STX4: variants seen among roughly 807,000 people sequenced by gnomAD.
STX4 encodes the protein syntaxin-4.
Under a neutral mutation model 41.8 loss-of-function variants are expected in STX4, and 24 were observed. The ratio of observed to expected loss-of-function variants is 0.57; its 90% CI spans 0.42 to 0.81. STX4 has a LOEUF of 0.81. Among genes scored for constraint, STX4 ranks in the 30% least tolerant of loss-of-function variants. The pLI, the probability that STX4 is intolerant of heterozygous loss-of-function variation, is 0.00. For synonymous variants in STX4, 158 were observed against 156.4 expected (o/e 1.01, Z -0.08); for missense variants, 316 against 389.9 (o/e 0.81, Z 1.60).
chr16:31,034,507 TG>T lies in STX4; in HGVS notation c.282del (p.Arg95GlyfsTer7). On this transcript the variant is annotated frameshift_variant, in exon 4 of 11. Transcript: ENST00000313843. LOFTEE classifies it high-confidence loss of function. ...LQNLRDEIKQLGREIRLQLKA... is the reference protein window; with the variant it reads ...LQNLRDEIKQXGREIRLQLKA... ...AACCTGCGCGATGAGATCAAACAGCTGGGGAGGGAGATCCGCCTGCAGCTGA... is the reference window on the plus strand; with the variant it reads ...AACCTGCGCGATGAGATCAAACAGCTGGGAGGGAGATCCGCCTGCAGCTGA... The T allele has an allele frequency of 6.2e-7, 1 of 1,602,682 alleles. No homozygotes were observed. Among genetic ancestry groups the T allele is most frequent in the South Asian group, 1.1e-5 (1 of 89,782 alleles).
chr16:31,036,978 C>A (rs1011333140), intron 5 of STX4, among the ~76,000 whole-genome samples: 1 of 150,794 alleles, frequency 6.6e-6, no homozygotes. Flanking sequence ...CGCCTGTAAT[C>A]CCAGCACTTT....
At chr16:31,034,604 G>A (rs2056785968) in intron 4 of STX4, 68 bp downstream of exon 4, 31 of 1,458,804 alleles carry the variant, frequency 2.1e-5, no homozygotes, top group Non-Finnish European at 2.7e-5. Flanking sequence ...TATCTGGGGA[G>A]TGTGTGGCCC....
chr16:31,033,657 G>A lies in STX4; in HGVS notation c.-149G>A, dbSNP rs1596733560. Reference sequence around the variant, plus strand: ...CGGCGCCTTCCCATTGACTGTGGGCGGTGCAAGGGACGGAGCCTCTGGCGG... The same window carrying A: ...CGGCGCCTTCCCATTGACTGTGGGCAGTGCAAGGGACGGAGCCTCTGGCGG... On this transcript the variant is annotated 5_prime_UTR_variant, in exon 1 of 11. Coordinates refer to ENST00000313843, the MANE Select transcript of STX4 (RefSeq NM_004604.5). This position sits in a 1 kb window ranked among gnomAD's most constrained non-coding sequence, Gnocchi z 5.5. 6 of 1,459,840 alleles carry A rather than the reference G, an allele frequency of 4.1e-6. No homozygotes were observed. The East Asian group carries it at 1.5e-4, about 36-fold the overall frequency. The allele number at this position is 1,459,840 out of a possible 1,614,324, so 90.4% of individuals were successfully genotyped here.
chr16:31,034,366 G>C (rs1324753959), intron 3 of STX4, 41 bp downstream of exon 3: 3 of 1,612,634 alleles, frequency 1.9e-6, no homozygotes, highest in East Asian at 4.5e-5. Context: ...CTCCGCCCCA[G>C]GGATTGTGGG....
rs570754713 is a variant in STX4 at position 31,039,815 on chromosome 16, G to T, written c.*12G>T. 7 of 1,614,114 alleles carry T rather than the reference G, an allele frequency of 4.3e-6. No individual in the cohort carries two copies. The East Asian group carries it at 1.3e-4, about 31-fold the overall frequency. ...CAGTGGTTGGATAATGTCGCACATTGTTGGTGAGATGTTGTGGGCTGCCCC... is the reference window on the plus strand; with the variant it reads ...CAGTGGTTGGATAATGTCGCACATTTTTGGTGAGATGTTGTGGGCTGCCCC... On this transcript the variant is annotated 3_prime_UTR_variant, in exon 10 of 11. Coordinates refer to ENST00000313843, the MANE Select transcript of STX4 (RefSeq NM_004604.5). This position sits in a 1 kb window ranked among gnomAD's most constrained non-coding sequence, Gnocchi z 4.1.
chr16:31,034,861 CT>C, intron 4 of STX4, 108 bp from the exon 5 acceptor site: 1 of 1,045,276 alleles, frequency 9.6e-7, no homozygotes, highest in Admixed American at 2.7e-5. Flanking sequence ...GAAAAATAAA[CT>C]TACTTTCTCC....
intron 5 of STX4, 137 bp from the exon 6 acceptor site, chr16:31,037,789 G>A (rs781434182): frequency 6.5e-6 from 5 of 766,906 alleles, no homozygotes; most frequent in East Asian, 2.7e-5. Context: ...AGCCTGTCAA[G>A]GTCATCACAA....
intron 4 of STX4, 169 bp from the exon 5 acceptor site, chr16:31,034,801 T>C: frequency 1.4e-6 from 1 of 704,172 alleles, no homozygotes; most frequent in South Asian, 2.4e-5. Context: ...AGATGGAGTT[T>C]TGTTAGGTGG....
intron 5 of STX4, 45 bp downstream of exon 5, chr16:31,035,085 C>A: frequency 6.6e-7 from 1 of 1,517,750 alleles, no homozygotes; most frequent in Non-Finnish European, 9.0e-7. Flanking sequence ...GCAAATGTTT[C>A]ATGAAGTATT....
At position 31,039,021 on chromosome 16, in the gene STX4, C is replaced by T. The variant is rs2056824631; in HGVS notation, c.702+374C>T. Reference sequence around the variant, plus strand: ...AAGGCTGGGGTGGGGGCGGCGTTCCCCTGGCCCTGGTTGTGAGTTGAGTTG... The same window carrying T: ...AAGGCTGGGGTGGGGGCGGCGTTCCTCTGGCCCTGGTTGTGAGTTGAGTTG... On this transcript the variant is annotated intron_variant, in intron 8 of 10. Transcript: ENST00000313843. This position sits in a 1 kb window ranked among gnomAD's most constrained non-coding sequence, Gnocchi z 4.1. The T allele has an allele frequency of 1.2e-5, 3 of 256,604 alleles. No individual in the cohort carries two copies. The highest frequency in any genetic ancestry group is 1.5e-5 in the Non-Finnish European group (2 of 130,560). The allele number at this position is 256,604 out of a possible 1,614,324, so 15.9% of individuals were successfully genotyped here.
chr16:31,033,608 G>T lies in STX4; in HGVS notation c.-198G>T. On this transcript the variant is annotated 5_prime_UTR_variant, in exon 1 of 11. Transcript: ENST00000313843. The surrounding 1 kb of genome is among the most constrained non-coding windows in gnomAD (Gnocchi z 5.5). ...GGAAGAAAAGGGAATTCCAACCTGT[G>T]GAACCTTGGGGGGTCCCCGGGGTCG... 1.3e-6 allele frequency: 2 copies of T among 1,497,482 alleles called. No individual in the cohort carries two copies. The highest frequency in any genetic ancestry group is 4.3e-5 in the Admixed American group (2 of 46,000). The allele number at this position is 1,497,482 out of a possible 1,614,324, so 92.8% of individuals were successfully genotyped here. A position where few individuals can be genotyped will look rare whatever the true frequency, so the allele number is the denominator to read the frequency against.
chr16:31,037,917 C>T lies in STX4; in HGVS notation c.379-9C>T, dbSNP rs2056815111. The stretch of plus-strand genomic sequence containing the variant: ...CCAGGGGCACTCAGCCTATATTCTT[C>T]ATCTTTAGCATGGGGTCCTGTCCCA... On this transcript the variant is annotated splice_polypyrimidine_tract_variant and intron_variant, in intron 5 of 10. Coordinates refer to ENST00000313843, the MANE Select transcript of STX4 (RefSeq NM_004604.5). The T allele has an allele frequency of 6.8e-6, 11 of 1,613,924 alleles. No homozygotes were observed. The highest frequency in any genetic ancestry group is 2.2e-5 in the South Asian group (2 of 91,060).
In STX4 at chr16:31,039,771, G is replaced by T. The variant is rs890878699; in HGVS notation, c.862G>T (p.Ala288Ser). ...ICVSITVVLL[A>S]VIIGVTVVG ...TGTGTCCATCACCGTCGTCCTCCTAGCAGTCATCATTGGCGTCACAGTGGT... is the reference window on the plus strand; with the variant it reads ...TGTGTCCATCACCGTCGTCCTCCTATCAGTCATCATTGGCGTCACAGTGGT... Residue 288 changes from alanine (A) to serine (S), a missense_variant, in exon 10 of 11, where the codon GCA becomes TCA. Coordinates refer to ENST00000313843, the MANE Select transcript of STX4 (RefSeq NM_004604.5). This position sits in a 1 kb window ranked among gnomAD's most constrained non-coding sequence, Gnocchi z 4.1. The T allele has an allele frequency of 3.1e-6, 5 of 1,614,082 alleles. No individual in the cohort carries two copies. The highest frequency in any genetic ancestry group is 4.2e-6 in the Non-Finnish European group (5 of 1,180,032).
upstream of STX4, chr16:31,033,470 A>T (rs1229965151): frequency 6.5e-7 from 1 of 1,549,898 alleles, no homozygotes; most frequent in Non-Finnish European, 8.7e-7. This position sits in a 1 kb window ranked among gnomAD's most constrained non-coding sequence, Gnocchi z 5.5. Flanking sequence ...CTCGGGGCGC[A>T]ACAACTTCCG....
intron 4 of STX4, 175 bp downstream of exon 4, chr16:31,034,711 G>A (rs1468366905): frequency 5.4e-6 from 4 of 744,386 alleles, no homozygotes; most frequent in East Asian, 2.9e-5. Context: ...GCACAAGTCC[G>A]CCTCTCAGGT....
At chr16:31,034,945 C>CCA (rs758575342) in intron 4 of STX4, 25 bp from the exon 5 acceptor site, 1 of 1,558,512 alleles carries the variant, frequency 6.4e-7, no homozygotes, top group Non-Finnish European at 8.6e-7. Flanking sequence ...ACAAGTACCC[C>CCA]CAATACCCCT....
rs1596734387 is a variant in STX4 at position 31,034,130 on chromosome 16, C to T, written c.132+16C>T. ...CTTCCACAAGGTAAGGGGCTGGGGT[C>T]TCCGCCTGGATTCGCGAGGGTGTAG... On this transcript the variant is annotated intron_variant, in intron 2 of 10. Coordinates refer to ENST00000313843, the MANE Select transcript of STX4 (RefSeq NM_004604.5). 6.2e-7 allele frequency: 1 copy of T among 1,608,014 alleles called. No homozygotes were observed. The highest frequency in any genetic ancestry group is 2.2e-5 in the East Asian group (1 of 44,766).
chr16:31,037,660 C>CA (rs956072422), intron 5 of STX4, among the ~76,000 whole-genome samples: 1 of 143,110 alleles, frequency 7.0e-6, no homozygotes, highest in African/African-American at 2.6e-5. Flanking sequence ...AACTCTGTCT[C>CA]AAAAAACAAA....
intron 7 of STX4, 118 bp from the exon 8 acceptor site, chr16:31,038,392 C>G: frequency 6.9e-7 from 1 of 1,451,040 alleles, no homozygotes; most frequent in South Asian, 1.2e-5. Context: ...AATTAATTAG[C>G]CTGCCTGGAG....
Sources: gnomAD v4.1 joint callset for allele counts (sites outside exome capture counted in the v4.1 genomes callset) on GRCh38, gnomAD v4.1.1 for gene constraint, Gnocchi (gnomAD v3.1) non-coding constraint, MANE v1.5 for transcripts, NCBI Gene and HGNC (gene_info 2026-07-23, HGNC 2026-07-21) for gene names.